The following AGBL1 variants were observed in gnomAD, a reference collection of about 807,000 sequenced individuals.
AGBL1 encodes the protein AGBL carboxypeptidase 1.
A neutral mutation model predicts 118.9 loss-of-function variants in AGBL1; 130 were observed. That is an observed-to-expected ratio of 1.09 (90% CI 0.95 to 1.26). The LOEUF is 1.26. AGBL1 is among the 50% of genes most tolerant of loss of function. The pLI, the probability that AGBL1 is intolerant of heterozygous loss-of-function variation, is 0.00. For missense variants in AGBL1, 1,584 were observed against 1,298.1 expected (o/e 1.22, Z -3.38); for synonymous variants, 555 against 478.9 (o/e 1.16, Z -2.08).
intron 21 of AGBL1, among the ~76,000 whole-genome samples, chr15:86,633,544 C>G (rs2085014324): frequency 6.6e-6 from 1 of 151,910 alleles, no homozygotes. Flanking sequence ...ATATTAGAAT[C>G]TTTGCTCCTT....
chr15:86,669,751 A>G (rs570616466), intron 21 of AGBL1, among the ~76,000 whole-genome samples: 11 of 152,250 alleles, frequency 7.2e-5, no homozygotes, highest in Middle Eastern at 6.8e-3. Context: ...AAATATGTGG[A>G]TATTTTCTTG....
chr15:86,135,776 A>G (rs148442941), intron 1 of AGBL1, among the ~76,000 whole-genome samples: 10 of 152,308 alleles, frequency 6.6e-5, no homozygotes, highest in African/African-American at 2.2e-4. Flanking sequence ...GTTGAGGGGT[A>G]GAGTCTAACT....
At chr15:86,855,004 C>T (rs1316409093) in intron 22 of AGBL1, among the ~76,000 whole-genome samples, 1 of 152,128 alleles carries the variant, frequency 6.6e-6, no homozygotes, top group Non-Finnish European at 1.5e-5. Context: ...ATCTGGCATG[C>T]AGAGGAGATG....
At chr15:86,318,502 T>TC (rs912814051) in intron 17 of AGBL1, among the ~76,000 whole-genome samples, 6 of 152,072 alleles carry the variant, frequency 3.9e-5, no homozygotes, top group Non-Finnish European at 7.4e-5. Context: ...TTTTTTTTTT[T>TC]CCCATTCATC....
intron 22 of AGBL1, among the ~76,000 whole-genome samples, chr15:86,822,758 A>G (rs571127811): frequency 1.3e-5 from 2 of 152,242 alleles, no homozygotes; most frequent in African/African-American, 4.8e-5. Flanking sequence ...TGGTGGCAAG[A>G]CAAGATAGTG....
At chr15:86,129,933 C>A (rs975265539) in intron 1 of AGBL1, among the ~76,000 whole-genome samples, 3 of 152,098 alleles carry the variant, frequency 2.0e-5, no homozygotes, top group Non-Finnish European at 4.4e-5. Context: ...ACCTTTACAC[C>A]CCAGAGACTC....
intron 22 of AGBL1, among the ~76,000 whole-genome samples, chr15:86,697,139 A>T (rs1213688764): frequency 1.3e-5 from 2 of 151,932 alleles, no homozygotes; most frequent in Admixed American, 1.3e-4. Flanking sequence ...TTGGATGTCT[A>T]GTTCTCTAGC....
At chr15:86,104,061 C>A (rs539717384) in intron 1 of AGBL1, among the ~76,000 whole-genome samples, 26 of 152,314 alleles carry the variant, frequency 1.7e-4, no homozygotes, top group African/African-American at 6.0e-4. Flanking sequence ...TGGGTGCCCG[C>A]TGTGCTGGTA....
rs1413413659 is a variant in AGBL1 at position 86,704,398 on chromosome 15, G to T, written c.3158+29962G>T. On this transcript the variant is annotated intron_variant, in intron 22 of 22. Coordinates refer to ENST00000614907, the MANE Select transcript of AGBL1 (RefSeq NM_001386094.1). ...TTTGCAATCTACCCATCAGACAAAG[G>T]TCTAATATCCAGAATCTACAAGGAA... 2.6e-5 allele frequency among the ~76,000 whole-genome samples: 4 copies of T among 152,030 alleles called. No homozygotes were observed. In the South Asian group the frequency reaches 8.3e-4, roughly 31 times the overall value.
rs548165677 is a variant in AGBL1 at position 86,264,887 on chromosome 15, T to C, written c.1667+49T>C. 3 of 1,446,698 alleles carry C rather than the reference T, an allele frequency of 2.1e-6. No homozygotes were observed. The African/African-American group carries it at 4.3e-5, about 21-fold the overall frequency. The allele number at this position is 1,446,698 out of a possible 1,614,324, so 89.6% of individuals were successfully genotyped here. ...GCTCTTTTTTTCTGTTCTTTGATAA[T>C]TTTATAAGTAAAATGGTTTGTACAG... On this transcript the variant is annotated intron_variant, in intron 11 of 22. Transcript: ENST00000614907.
At chr15:86,181,354 T>C (rs940114790) in intron 5 of AGBL1, among the ~76,000 whole-genome samples, 1 of 152,074 alleles carries the variant, frequency 6.6e-6, no homozygotes, top group Non-Finnish European at 1.5e-5. Flanking sequence ...ATTATTGATA[T>C]ATGCTGCAAC....
chr15:86,981,331 C>A (rs1427033248), intron 23 of AGBL1, among the ~76,000 whole-genome samples: 1 of 152,144 alleles, frequency 6.6e-6, no homozygotes, highest in African/African-American at 2.4e-5. Context: ...TCATTAGTTG[C>A]ATCGTACAGT....
intron 5 of AGBL1, among the ~76,000 whole-genome samples, chr15:86,172,314 T>A (rs1837912638): frequency 6.6e-6 from 1 of 152,208 alleles, no homozygotes; most frequent in Non-Finnish European, 1.5e-5. Context: ...AATGATAAAA[T>A]CAGAGTGTTT....
In AGBL1 at chr15:86,156,546, G is replaced by C. The variant is rs547067072; in HGVS notation, c.394+1985G>C. Among the ~76,000 whole-genome samples, 10 of 152,284 alleles carry C rather than the reference G, an allele frequency of 6.6e-5. 1 individual carries two copies. The South Asian group carries it at 2.1e-3, about 32-fold the overall frequency. On this transcript the variant is annotated intron_variant, in intron 4 of 22. Transcript: ENST00000614907. ...ATGAATTTAGGAGTGGACACAACTA[G>C]CCATAATGGAGCTCATAGACTTGGT... is the stretch of plus-strand genomic sequence containing the variant.
At chr15:86,850,066 G>A (rs566962672) in intron 22 of AGBL1, among the ~76,000 whole-genome samples, 3 of 152,228 alleles carry the variant, frequency 2.0e-5, no homozygotes, top group African/African-American at 7.2e-5. Context: ...CTATGTGCTG[G>A]TGTGTTGCTC....
chr15:86,485,142 T>A (rs559879849), intron 18 of AGBL1, among the ~76,000 whole-genome samples: 34 of 152,152 alleles, frequency 2.2e-4, no homozygotes, highest in Non-Finnish European at 3.8e-4. Flanking sequence ...TGCTAAGCCG[T>A]CGCTACTTCA....
At chr15:86,878,971 A>G (rs2079852582) in intron 22 of AGBL1, among the ~76,000 whole-genome samples, 1 of 152,208 alleles carries the variant, frequency 6.6e-6, no homozygotes, top group Non-Finnish European at 1.5e-5. Flanking sequence ...TCCAGTTCAC[A>G]GCACACCTGG....
rs539120098 is a variant in AGBL1 at position 86,476,489 on chromosome 15, A to G, written c.2556-46321A>G. Among the ~76,000 whole-genome samples, 6 of 152,372 alleles carry G rather than the reference A, an allele frequency of 3.9e-5. No individual in the cohort carries two copies. The South Asian group carries it at 1.2e-3, about 32-fold the overall frequency. ...AAGATCAAAAGAGACAAAGAAGGCC[A>G]TTACATAATGGTAAAGGGATCAATT... On this transcript the variant is annotated intron_variant, in intron 18 of 22. Coordinates refer to ENST00000614907, the MANE Select transcript of AGBL1 (RefSeq NM_001386094.1).
intron 22 of AGBL1, among the ~76,000 whole-genome samples, chr15:86,802,027 A>G (rs1446393355): frequency 2.6e-5 from 4 of 152,144 alleles, no homozygotes; most frequent in Non-Finnish European, 5.9e-5. Flanking sequence ...ACAGCTCCCT[A>G]GATGGTGGGA....
Sources: allele counts gnomAD v4.1 joint callset (sites outside exome capture counted in the v4.1 genomes callset), GRCh38; gene constraint gnomAD v4.1.1; transcripts MANE v1.5; gene names NCBI Gene and HGNC (gene_info 2026-07-23, HGNC 2026-07-21).